Variants in OR3A2 observed in about 807,000 individuals in gnomAD.
The protein encoded by OR3A2 is olfactory receptor family 3 subfamily A member 2.
For missense variants in OR3A2, 318 were observed against 392.8 expected, an observed-to-expected ratio of 0.81 and a Z score of 1.61; for synonymous variants, 126 against 159.3, an observed-to-expected ratio of 0.79 and a Z score of 1.57.
chr17:3,329,220 C>A lies in OR3A2; in HGVS notation c.-85+6813G>T, dbSNP rs563161710. On this transcript the variant is annotated intron_variant, in intron 3 of 4. Coordinates refer to the OR3A2 transcript ENST00000573491. ...GGCTTTGGTATCAGAATGATGCTGGCCTCATAAAATGAGTTAGGGAGGATT... is the reference window on the plus strand; with the variant it reads ...GGCTTTGGTATCAGAATGATGCTGGACTCATAAAATGAGTTAGGGAGGATT... Among the ~76,000 whole-genome samples the A allele has an allele frequency of 2.9e-3, 435 of 151,730 alleles. 6 individuals are homozygous for A. The highest frequency in any genetic ancestry group is 0.01 in the African/African-American group (417 of 41,288).
intron 3 of OR3A2, chr17:3,292,232 C>T (rs776053776): frequency 2.5e-6 from 4 of 1,614,112 alleles, no homozygotes. Context: ...TGGCGGTCAG[C>T]AGGAAGCAGT....
intron 2 of OR3A2, among the ~76,000 whole-genome samples, chr17:3,378,476 C>T (rs1237309914): frequency 6.6e-6 from 1 of 152,176 alleles, no homozygotes; most frequent in Non-Finnish European, 1.5e-5. Flanking sequence ...CTTCCTGGAC[C>T]CCTAAGAGTG....
chr17:3,310,140 T>C (rs2049029045), intron 3 of OR3A2: 2 of 351,312 alleles, frequency 5.7e-6, no homozygotes, highest in Middle Eastern at 1.8e-3. Context: ...TCATACTACA[T>C]CTAAATCTTC....
intron 2 of OR3A2, among the ~76,000 whole-genome samples, chr17:3,368,752 GT>G (rs2049585228): frequency 6.6e-6 from 1 of 152,032 alleles, no homozygotes; most frequent in African/African-American, 2.4e-5. Context: ...TTTTAGGATT[GT>G]TTTTTCTAGT....
chr17:3,338,291 C>G (rs1291352950), intron 2 of OR3A2, among the ~76,000 whole-genome samples: 2 of 152,050 alleles, frequency 1.3e-5, no homozygotes, highest in Non-Finnish European at 2.9e-5. Context: ...TCCCATTTGT[C>G]TATTTTGGCT....
chr17:3,345,499 C>T (rs1238558272), intron 2 of OR3A2, among the ~76,000 whole-genome samples: 2 of 151,400 alleles, frequency 1.3e-5, no homozygotes, highest in African/African-American at 4.8e-5. Context: ...AGAAGAACAA[C>T]AAAATTATAA....
At chr17:3,301,107 T>C (rs561049504) in intron 3 of OR3A2, among the ~76,000 whole-genome samples, 125 of 152,168 alleles carry the variant, frequency 8.2e-4, no homozygotes, top group Non-Finnish European at 1.5e-3. Context: ...GACATTTGGG[T>C]TGGTTCCAAG....
At chr17:3,348,260 T>C (rs230449) in intron 2 of OR3A2, among the ~76,000 whole-genome samples, 6 of 151,990 alleles carry the variant, frequency 3.9e-5, no homozygotes, top group African/African-American at 1.4e-4. Flanking sequence ...TTAGATCCCA[T>C]TTATCCATTT....
Position 3,350,507 on chromosome 17 carries a change from C to T in OR3A2, c.-178-14381G>A, listed in dbSNP as rs779913690. The stretch of plus-strand genomic sequence containing the variant: ...GGAAGAAGTTGAATCTCTGAATAGA[C>T]CAATAACGGGAGCTGAAATTGTGGC... On this transcript the variant is annotated intron_variant, in intron 2 of 4. Coordinates refer to the OR3A2 transcript ENST00000573491. 3.8e-3 allele frequency among the ~76,000 whole-genome samples: 575 copies of T among 152,072 alleles called. 5 individuals carry two copies. The highest frequency in any genetic ancestry group is 0.013 in the African/African-American group (546 of 41,476).
chr17:3,308,206 G>A (rs1951199707), intron 3 of OR3A2, among the ~76,000 whole-genome samples: 1 of 152,164 alleles, frequency 6.6e-6, no homozygotes. Context: ...GGCTCCCCCT[G>A]GAAGGTGCTA....
Position 3,292,134 on chromosome 17 carries a change from G to A in OR3A2, c.-84-12981C>T, listed in dbSNP as rs746857847. The A allele has an allele frequency of 4.3e-6, 7 of 1,614,130 alleles. No homozygotes were observed. The South Asian group carries it at 4.4e-5, about 10-fold the overall frequency. On this transcript the variant is annotated intron_variant, in intron 3 of 4. Coordinates refer to the OR3A2 transcript ENST00000573491. ...GTTGGTGAAAGCACAAGCCCAGGAC[G>A]CAGCCACCAACATCCTCTGGACTGT...
chr17:3,355,969 T>G (rs895094731), intron 2 of OR3A2, among the ~76,000 whole-genome samples: 1 of 151,340 alleles, frequency 6.6e-6, no homozygotes, highest in African/African-American at 2.4e-5. Context: ...AATCTCTTGG[T>G]TTTTGTTTTT....
chr17:3,319,424 A>G (rs77437317), intron 3 of OR3A2, among the ~76,000 whole-genome samples: 25,962 of 151,806 alleles, frequency 0.17, 3,028 homozygotes, highest in Admixed American at 0.34. Context: ...TGTGCACAAC[A>G]TGCAGGTTTG....
chr17:3,307,494 T>C (rs898707445), intron 3 of OR3A2, among the ~76,000 whole-genome samples: 4 of 152,216 alleles, frequency 2.6e-5, no homozygotes, highest in African/African-American at 9.6e-5. Flanking sequence ...GTGAGAATGC[T>C]TAATTAATGA....
chr17:3,367,672 A>C (rs377676156), intron 2 of OR3A2, among the ~76,000 whole-genome samples: 32 of 149,850 alleles, frequency 2.1e-4, no homozygotes, highest in African/African-American at 7.7e-4. Context: ...GATTGGTTCC[A>C]TATTTTTGCA....
chr17:3,312,812 C>T (rs933590474), intron 3 of OR3A2, among the ~76,000 whole-genome samples: 5 of 152,008 alleles, frequency 3.3e-5, no homozygotes, highest in South Asian at 2.1e-4. Flanking sequence ...TTACTGGAGA[C>T]GGGGTTTTAC....
intron 3 of OR3A2, among the ~76,000 whole-genome samples, chr17:3,315,233 T>C (rs934964841): frequency 6.6e-5 from 10 of 152,190 alleles, no homozygotes; most frequent in African/African-American, 2.4e-4. Context: ...AAATAATAGC[T>C]CTGTTTTAAG....
intron 2 of OR3A2, among the ~76,000 whole-genome samples, chr17:3,349,244 A>G (rs2150652590): frequency 6.6e-6 from 1 of 152,342 alleles, no homozygotes; most frequent in Non-Finnish European, 1.5e-5. Context: ...GGCAAATTGG[A>G]TAAAGAGTCA....
intron 3 of OR3A2, among the ~76,000 whole-genome samples, chr17:3,326,685 C>T (rs1267395883): frequency 7.0e-6 from 1 of 142,362 alleles, no homozygotes; most frequent in East Asian, 2.1e-4. Context: ...GTATATCTCC[C>T]AATGCTATCC....
Sources: allele counts gnomAD v4.1 joint callset (sites outside exome capture counted in the v4.1 genomes callset), GRCh38; gene constraint gnomAD v4.1.1; transcripts MANE v1.5; gene names NCBI Gene and HGNC (gene_info 2026-07-23, HGNC 2026-07-21).